Variants in PWWP3A observed in about 807,000 individuals in gnomAD.
The protein encoded by PWWP3A is PWWP domain-containing DNA repair factor 3A.
PWWP3A carries 53 observed loss-of-function variants against 79.0 expected under a neutral mutation model. The ratio of observed to expected loss-of-function variants is 0.67; its 90% CI spans 0.54 to 0.84. The LOEUF is 0.84. PWWP3A is among the 40% of genes least tolerant of loss of function. PWWP3A has a pLI of 0.00. For synonymous variants in PWWP3A, 443 were observed against 394.4 expected (o/e 1.12, Z -1.46); for missense variants, 973 against 948.0 (o/e 1.03, Z -0.35).
Position 1,373,151 on chromosome 19 carries a change from T to C in PWWP3A, c.2066T>C (p.Leu689Pro). ...GAGAAGTACATCAAGGGGCCTTCGC[T>C]GAGCTACCGGTAGGCCGCTCCCGGC... is the stretch of plus-strand genomic sequence containing the variant. The part of the protein sequence containing the change: ...AEEKYIKGPS[L>P]SYREKEIFDN... Residue 689 changes from leucine to proline, a missense_variant, in exon 13 of 14, where the codon CTG becomes CCG. By Grantham distance (98) the Leu-to-Pro change is moderately conservative. Transcript: ENST00000591337. 6.2e-7 allele frequency: 1 copy of C among 1,614,124 alleles called. No homozygotes were observed. Among genetic ancestry groups the C allele is most frequent in the Non-Finnish European group, 8.5e-7 (1 of 1,179,976 alleles).
At chr19:1,364,220 C>T (rs745893028) in intron 6 of PWWP3A, 9 of 591,024 alleles carry the variant, frequency 1.5e-5, no homozygotes, top group Admixed American at 5.6e-5. Flanking sequence ...AGCCGCCCCT[C>T]GTGGCACCCC....
intron 13 of PWWP3A, among the ~76,000 whole-genome samples, chr19:1,376,291 GTTTGTTTTTTTTTTTGTTTGT>G (rs796615116): frequency 0.032 from 1,632 of 50,852 alleles, 66 homozygotes; most frequent in African/African-American, 0.11. Context: ...ACGCCCGGCT[GTTTGTTTTTTTTTTTGTTTGT>G]TTTTTTTTTT....
chr19:1,366,007 G>A lies in PWWP3A; in HGVS notation c.1285-298G>A, dbSNP rs373783277. On this transcript the variant is annotated intron_variant, in intron 7 of 13. Coordinates refer to ENST00000591337, the MANE Select transcript of PWWP3A (RefSeq NM_001369789.1). ...GAGGACAAACCTGCCCTGCTGAGCC[G>A]CTGGAGAATCTCAGGACGCTTATTT... Among the ~76,000 whole-genome samples the A allele has an allele frequency of 4.6e-5, 7 of 152,366 alleles. No homozygotes were observed. In the East Asian group the frequency reaches 9.7e-4, roughly 21 times the overall value.
chr19:1,376,572 G>C lies in PWWP3A; in HGVS notation c.2129G>C (p.Arg710Pro). The change falls in exon 14 of 14, where the codon CGG becomes CCG. Residue 710 changes from arginine (R) to proline (P), a missense_variant. Arg to Pro is a moderately radical substitution (Grantham distance 103). Transcript: ENST00000591337. ...QLLEERNRRR[R>P] ...CTTGAAGAGCGGAACCGGCGCCGTC[G>C]GTGAGGGAGCAGCCGGCTGTGCTGT... 1 of 1,613,454 alleles carries C rather than the reference G, an allele frequency of 6.2e-7. No homozygotes were observed. Among genetic ancestry groups the C allele is most frequent in the Non-Finnish European group, 8.5e-7 (1 of 1,179,872 alleles).
intron 1 of PWWP3A, among the ~76,000 whole-genome samples, chr19:1,355,390 C>T (rs899190464): frequency 4.0e-5 from 6 of 151,562 alleles, no homozygotes; most frequent in East Asian, 3.9e-4. Context: ...CCCATCCTTG[C>T]TGCCTGGACC....
chr19:1,375,209 G>A (rs1384951166), intron 13 of PWWP3A, among the ~76,000 whole-genome samples: 3 of 141,110 alleles, frequency 2.1e-5, no homozygotes, highest in Admixed American at 7.4e-5. Context: ...GTGACAGAGC[G>A]AGACTCCGTT....
At chr19:1,363,916 C>T (rs1265746467) in intron 6 of PWWP3A, among the ~76,000 whole-genome samples, 1 of 152,126 alleles carries the variant, frequency 6.6e-6, no homozygotes, top group Non-Finnish European at 1.5e-5. Context: ...GTGTGTCTAA[C>T]GACAGACTGT....
rs2082236117 is a variant in PWWP3A at position 1,370,726 on chromosome 19, T to C, written c.1634T>C (p.Val545Ala). 6.8e-7 allele frequency: 1 copy of C among 1,473,242 alleles called. No homozygotes were observed. The highest frequency in any genetic ancestry group is 9.0e-7 in the Non-Finnish European group (1 of 1,109,718). The allele number at this position is 1,473,242 out of a possible 1,614,324, so 91.3% of individuals were successfully genotyped here. A position where few individuals can be genotyped will look rare whatever the true frequency, so the allele number is the denominator to read the frequency against. Residue 545 changes from valine to alanine, a missense_variant, in exon 12 of 14, where the codon GTG becomes GCG. Physicochemically the swap from Val to Ala is moderately conservative, Grantham distance 64. Coordinates refer to ENST00000591337, the MANE Select transcript of PWWP3A (RefSeq NM_001369789.1). ...AGCAAGGGGAGCCCCGAGGAGCCCG[T>C]GGTGGGGTGCCCCCTGGGGCAGAGG... The part of the protein sequence containing the change: ...QLSKGSPEEP[V>A]VGCPLGQRQP...
At chr19:1,364,674 A>G (rs1267346472) in intron 7 of PWWP3A, 95 bp downstream of exon 7, 3 of 1,053,854 alleles carry the variant, frequency 2.8e-6, no homozygotes, top group South Asian at 3.1e-5. Flanking sequence ...TTTGATCAGG[A>G]TAAATGTTTT....
At chr19:1,375,549 A>ATATATTATATGTAAAATATATAATTT (rs1568965438) in intron 13 of PWWP3A, among the ~76,000 whole-genome samples, 4 of 3,426 alleles carry the variant, frequency 1.2e-3, no homozygotes, top group Non-Finnish European at 2.2e-3. Context: ...TATATATAAA[A>ATATATTATATGTAAAATATATAATTT]TATATATTAT....
intron 13 of PWWP3A, among the ~76,000 whole-genome samples, chr19:1,375,779 GACAT>G (rs1180442069): frequency 7.9e-6 from 1 of 127,354 alleles, no homozygotes; most frequent in Non-Finnish European, 1.6e-5. Context: ...TGTATATGTA[GACAT>G]ACACACACAC....
At position 1,377,131 on chromosome 19, in the gene PWWP3A, C is replaced by G. The variant is rs1004205172; in HGVS notation, c.*555C>G. 6.5e-6 allele frequency: 1 copy of G among 152,708 alleles called. No individual in the cohort carries two copies. The highest frequency in any genetic ancestry group is 2.0e-4 in the South Asian group (1 of 4,880). The allele number at this position is 152,708 out of a possible 1,614,324, so 9.5% of individuals were successfully genotyped here. On this transcript the variant is annotated 3_prime_UTR_variant, in exon 14 of 14. Coordinates refer to ENST00000591337, the MANE Select transcript of PWWP3A (RefSeq NM_001369789.1). The stretch of plus-strand genomic sequence containing the variant: ...GTTAGAGGCGGGAGCAGAGACGAGC[C>G]GCTGCTCTGTGTCGTGTTTGCTGTG...
intron 13 of PWWP3A, among the ~76,000 whole-genome samples, chr19:1,376,296 T>TTTTTG (rs1568968640): frequency 3.0e-4 from 20 of 67,504 alleles, no homozygotes; most frequent in Non-Finnish European, 4.7e-4. Flanking sequence ...CGGCTGTTTG[T>TTTTTG]TTTTTTTTTT....
intron 7 of PWWP3A, 135 bp from the exon 8 acceptor site, chr19:1,366,170 C>G (rs1160621557): frequency 2.6e-6 from 2 of 781,970 alleles, no homozygotes; most frequent in Admixed American, 2.4e-5. Flanking sequence ...CGCCTCCTTG[C>G]GGGAGACTTC....
intron 13 of PWWP3A, among the ~76,000 whole-genome samples, chr19:1,375,693 AAC>A (rs1280571200): frequency 1.1e-5 from 1 of 91,416 alleles, no homozygotes; most frequent in Non-Finnish European, 2.2e-5. Flanking sequence ...TAATATATAA[AAC>A]AATTTAATAT....
chr19:1,376,301 T>TTTTG (rs1568968748), intron 13 of PWWP3A, among the ~76,000 whole-genome samples: 4 of 105,244 alleles, frequency 3.8e-5, no homozygotes, highest in African/African-American at 1.4e-4. Context: ...GTTTGTTTTT[T>TTTTG]TTTTTGTTTG....
rs35756018 is a variant in PWWP3A, at chr19:1,360,399, C to G, written c.478C>G (p.Leu160Val). ...HRRRPCVQQS[L>V]SSSFTCEKDP... is the part of the protein sequence containing the mutation. Reference sequence around the variant, plus strand: ...GAGGAGGCCATGTGTGCAACAAAGCCTGTCAAGTTCGTTCACTTGTGAAAA... The same window carrying G: ...GAGGAGGCCATGTGTGCAACAAAGCGTGTCAAGTTCGTTCACTTGTGAAAA... Residue 160 changes from leucine to valine, a missense_variant, in exon 5 of 14, where the codon CTG becomes GTG. Coordinates refer to ENST00000591337, the MANE Select transcript of PWWP3A (RefSeq NM_001369789.1). This position sits in a 1 kb window ranked among gnomAD's most constrained non-coding sequence, Gnocchi z 4.4. The G allele has an allele frequency of 6.2e-7, 1 of 1,614,000 alleles. No homozygotes were observed. The highest frequency in any genetic ancestry group is 2.2e-5 in the East Asian group (1 of 44,888).
At chr19:1,357,483 C>CT (rs1160686944) in intron 3 of PWWP3A, 7 of 137,414 alleles carry the variant, frequency 5.1e-5, no homozygotes, top group Non-Finnish European at 1.0e-4. Context: ...ATCTGTGTGT[C>CT]TTTTTTCAGA....
Position 1,369,340 on chromosome 19 carries a change from G to C in PWWP3A, c.1498G>C (p.Gly500Arg). ...CATCACCGACTACAGGGTCCGGTTA[G>C]GTACGTGGGGTGCTGGGGAGGGGTG... ...SLITDYRVRL[G>R]CGSFAGSFLE... The change falls in exon 10 of 14, where the codon GGC becomes CGC. Residue 500 changes from glycine to arginine, a missense_variant and splice_region_variant. Physicochemically the swap from Gly to Arg is moderately radical, Grantham distance 125. Transcript: ENST00000591337. The surrounding 1 kb of genome is among the most constrained non-coding windows in gnomAD (Gnocchi z 4.0). 6.2e-7 allele frequency: 1 copy of C among 1,613,520 alleles called. No individual in the cohort carries two copies. Among genetic ancestry groups the C allele is most frequent in the Non-Finnish European group, 8.5e-7 (1 of 1,180,004 alleles).
Sources: allele counts gnomAD v4.1 joint callset (sites outside exome capture counted in the v4.1 genomes callset), GRCh38; gene constraint gnomAD v4.1.1; non-coding constraint Gnocchi (gnomAD v3.1); transcripts MANE v1.5; gene names NCBI Gene and HGNC (gene_info 2026-07-23, HGNC 2026-07-21).